OPCML: variants seen among roughly 807,000 people sequenced by gnomAD.
The protein encoded by OPCML is opioid binding protein/cell adhesion molecule like, also known as opioid-binding protein/cell adhesion molecule.
In OPCML, 13 loss-of-function variants were observed where a neutral mutation model predicts 37.8. The ratio of observed to expected loss-of-function variants is 0.34; its 90% confidence interval spans 0.22 to 0.55. The LOEUF (loss-of-function observed/expected upper bound fraction) is 0.55, where lower values mean the gene tolerates loss of function less well. Ranked by LOEUF, OPCML falls within the 20% of genes least tolerant of loss-of-function variation. The pLI is 0.91. For missense variants in OPCML, 341 were observed against 435.6 expected (o/e 0.78, Z 1.93); for synonymous variants, 176 against 168.8 (o/e 1.04, Z -0.33).
intron 1 of OPCML, among the ~76,000 whole-genome samples, chr11:133,357,500 G>A (rs979578407): frequency 1.3e-5 from 2 of 152,206 alleles, no homozygotes; most frequent in Non-Finnish European, 2.9e-5. Flanking sequence ...ATGTGGGCTT[G>A]AAGACACTGC....
At chr11:133,488,434 A>G (rs1947580223) in intron 1 of OPCML, among the ~76,000 whole-genome samples, 1 of 152,148 alleles carries the variant, frequency 6.6e-6, no homozygotes, top group African/African-American at 2.4e-5. Flanking sequence ...CAAAATTAAC[A>G]GAATCAGTAG....
At chr11:133,304,463 G>A (rs1189740725) in intron 1 of OPCML, among the ~76,000 whole-genome samples, 1 of 152,170 alleles carries the variant, frequency 6.6e-6, no homozygotes, top group African/African-American at 2.4e-5. Context: ...CCATTTTACA[G>A]ATGCAAAAGC....
At chr11:133,137,953 A>G (rs949152563) in intron 1 of OPCML, among the ~76,000 whole-genome samples, 1 of 152,158 alleles carries the variant, frequency 6.6e-6, no homozygotes, top group African/African-American at 2.4e-5. Flanking sequence ...GAGTTCTTTT[A>G]GGAAGGTAGC....
intron 4 of OPCML, among the ~76,000 whole-genome samples, chr11:132,459,358 C>A (rs1181259120): frequency 6.6e-6 from 1 of 151,758 alleles, no homozygotes; most frequent in Non-Finnish European, 1.5e-5. Flanking sequence ...ACTTCTCAGC[C>A]TCCGTAATCA....
At chr11:133,130,847 C>G (rs1161985094) in intron 1 of OPCML, among the ~76,000 whole-genome samples, 1 of 152,032 alleles carries the variant, frequency 6.6e-6, no homozygotes, top group Admixed American at 6.6e-5. Flanking sequence ...AACAGATAGG[C>G]TTTTCAACAA....
At chr11:132,509,744 A>G (rs2096264812) in intron 4 of OPCML, among the ~76,000 whole-genome samples, 3 of 152,216 alleles carry the variant, frequency 2.0e-5, no homozygotes, top group Non-Finnish European at 4.4e-5. Context: ...CAGAAGATGT[A>G]TGGAAATGCT....
At chr11:132,933,581 T>C (rs1196276692) in intron 2 of OPCML, among the ~76,000 whole-genome samples, 1 of 151,872 alleles carries the variant, frequency 6.6e-6, no homozygotes, top group African/African-American at 2.4e-5. Flanking sequence ...TGTGTGTGTG[T>C]GCGTGTGTGT....
intron 1 of OPCML, among the ~76,000 whole-genome samples, chr11:133,352,049 AACTT>A (rs1484946298): frequency 6.6e-6 from 1 of 152,058 alleles, no homozygotes; most frequent in Non-Finnish European, 1.5e-5. Flanking sequence ...ATAGCCTTCT[AACTT>A]ACTTTCCTAT....
At chr11:132,907,744 G>T (rs1185790765) in intron 2 of OPCML, among the ~76,000 whole-genome samples, 1 of 152,130 alleles carries the variant, frequency 6.6e-6, no homozygotes, top group Admixed American at 6.5e-5. Context: ...AAGTCCAGTA[G>T]AATAAACCAT....
intron 4 of OPCML, among the ~76,000 whole-genome samples, chr11:132,492,512 T>C (rs1565609831): frequency 6.6e-6 from 1 of 152,030 alleles, no homozygotes; most frequent in Admixed American, 6.6e-5. Context: ...GTTGTTGTCA[T>C]TGTTGTTGTC....
chr11:132,950,500 A>C (rs909165300), intron 1 of OPCML, among the ~76,000 whole-genome samples: 18 of 152,188 alleles, frequency 1.2e-4, no homozygotes, highest in African/African-American at 4.1e-4. Flanking sequence ...AGTTCTGATT[A>C]AGTTGTGAAG....
chr11:132,883,056 G>T (rs1313249069), intron 2 of OPCML, among the ~76,000 whole-genome samples: 1 of 152,178 alleles, frequency 6.6e-6, no homozygotes, highest in Non-Finnish European at 1.5e-5. Flanking sequence ...AGGCAGTGAG[G>T]CTTTCCCGCG....
At chr11:133,509,636 G>A (rs926002254) in intron 1 of OPCML, among the ~76,000 whole-genome samples, 28 of 152,062 alleles carry the variant, frequency 1.8e-4, no homozygotes, top group Middle Eastern at 3.2e-3. Flanking sequence ...GTTCTAAGTC[G>A]GGAGCTCCAA....
intron 1 of OPCML, among the ~76,000 whole-genome samples, chr11:133,461,048 G>A (rs905368986): frequency 2.0e-5 from 3 of 151,746 alleles, no homozygotes; most frequent in Non-Finnish European, 4.4e-5. Flanking sequence ...ATTTCATGAT[G>A]AAAACACTCA....
At chr11:132,916,881 G>A (rs1944624374) in intron 2 of OPCML, among the ~76,000 whole-genome samples, 1 of 152,154 alleles carries the variant, frequency 6.6e-6, no homozygotes, top group Admixed American at 6.5e-5. Flanking sequence ...CGACACATTA[G>A]ACCTTTCTAC....
At chr11:132,539,757 GTGA>G (rs957776095) in intron 3 of OPCML, among the ~76,000 whole-genome samples, 2 of 151,972 alleles carry the variant, frequency 1.3e-5, no homozygotes, top group Non-Finnish European at 2.9e-5. Context: ...GATGATAATG[GTGA>G]TGATGATAAC....
At chr11:133,487,282 A>G (rs1947550125) in intron 1 of OPCML, among the ~76,000 whole-genome samples, 1 of 152,050 alleles carries the variant, frequency 6.6e-6, no homozygotes, top group African/African-American at 2.4e-5. Context: ...CAGGGAGAAA[A>G]TACTTCATCT....
rs530805934 is a variant in OPCML at position 133,321,316 on chromosome 11, G to A, written c.61+210948C>T. On this transcript the variant is annotated intron_variant, in intron 1 of 7. Transcript: ENST00000524381. ...GCTCCGTAAGTACCGCATTTACTGAGAGAGGGCAGCTTCAAAGGTTTCATT... is the reference window on the plus strand; with the variant it reads ...GCTCCGTAAGTACCGCATTTACTGAAAGAGGGCAGCTTCAAAGGTTTCATT... Among the ~76,000 whole-genome samples, 3 of 152,326 alleles carry A rather than the reference G, an allele frequency of 2.0e-5. No individual in the cohort carries two copies. The South Asian group carries it at 6.2e-4, about 32-fold the overall frequency.
At chr11:133,479,272 T>C (rs1032882940) in intron 1 of OPCML, among the ~76,000 whole-genome samples, 1 of 152,082 alleles carries the variant, frequency 6.6e-6, no homozygotes, top group African/African-American at 2.4e-5. Flanking sequence ...CCACAAGCAT[T>C]CCCCAGAGGA....
Sources: gnomAD v4.1 joint callset for allele counts (sites outside exome capture counted in the v4.1 genomes callset) on GRCh38, gnomAD v4.1.1 for gene constraint, MANE v1.5 for transcripts, NCBI Gene and HGNC (gene_info 2026-07-23, HGNC 2026-07-21) for gene names.